PTPRM: variants seen among roughly 807,000 people sequenced by gnomAD.
PTPRM encodes protein tyrosine phosphatase receptor type M.
PTPRM carries 47 observed loss-of-function variants against 186.7 expected under a neutral mutation model. That is an observed-to-expected ratio of 0.25 (90% CI 0.20 to 0.32). The LOEUF is 0.32. PTPRM is among the 10% of genes least tolerant of loss of function. The pLI is 1.00. For missense variants in PTPRM, 1,494 were observed against 1,865.0 expected (o/e 0.80, Z 3.66); for synonymous variants, 668 against 674.9 (o/e 0.99, Z 0.16).
At chr18:7,810,006 C>G (rs331422) in intron 2 of PTPRM, among the ~76,000 whole-genome samples, 2,241 of 152,266 alleles carry the variant, frequency 0.015, 55 homozygotes, top group African/African-American at 0.051. Flanking sequence ...TATTCCTGAG[C>G]TTCTGTGGGA....
intron 7 of PTPRM, among the ~76,000 whole-genome samples, chr18:7,990,013 C>T (rs2083180071): frequency 6.6e-6 from 1 of 152,200 alleles, no homozygotes; most frequent in South Asian, 2.1e-4. Context: ...AAGTGAGTCT[C>T]ATGCCTCAGC....
rs573133687 is a variant in PTPRM at position 8,289,784 on chromosome 18, G to A, written c.2755-6584G>A. On this transcript the variant is annotated intron_variant, in intron 19 of 32. Coordinates refer to ENST00000580170, the MANE Select transcript of PTPRM (RefSeq NM_001105244.2). ...ACAGAAAAATTCTGCACAATTTCAC[G>A]TTGGATTAAGTTGCAATAAAAAGTG... 8.6e-5 allele frequency among the ~76,000 whole-genome samples: 13 copies of A among 151,840 alleles called. No homozygotes were observed. The South Asian group carries it at 1.9e-3, about 22-fold the overall frequency.
chr18:8,208,432 T>C (rs118026687), intron 14 of PTPRM, among the ~76,000 whole-genome samples: 15 of 152,164 alleles, frequency 9.9e-5, no homozygotes, highest in Non-Finnish European at 2.2e-4. Context: ...AAGTAGCTTA[T>C]TTGTACTATG....
intron 15 of PTPRM, among the ~76,000 whole-genome samples, chr18:8,245,486 A>T (rs1171588717): frequency 1.3e-5 from 2 of 152,130 alleles, no homozygotes; most frequent in African/African-American, 4.8e-5. Context: ...CAGTGTACCC[A>T]AGCTCCTTCC....
intron 23 of PTPRM, among the ~76,000 whole-genome samples, chr18:8,352,632 C>CTTTTTTTTTTTTGTTTTTTTTTT (rs2095540271): frequency 7.7e-6 from 1 of 130,462 alleles, no homozygotes; most frequent in Non-Finnish European, 1.6e-5. Context: ...TTTTTCTTTT[C>CTTTTTTTTTTTTGTTTTTTTTTT]TTTTTTTTTT....
rs1364050161 is a variant in PTPRM at position 8,291,483 on chromosome 18, C to T, written c.2755-4885C>T. Reference sequence around the variant, plus strand: ...GTTTGAGAGGAACCCTTCTTTTCTACAATATAAATTATTTGGTGATTACTT... The same window carrying T: ...GTTTGAGAGGAACCCTTCTTTTCTATAATATAAATTATTTGGTGATTACTT... On this transcript the variant is annotated intron_variant, in intron 19 of 32. Transcript: ENST00000580170. Among the ~76,000 whole-genome samples the T allele has an allele frequency of 2.0e-5, 3 of 152,268 alleles. No homozygotes were observed. In the East Asian group the frequency reaches 5.8e-4, roughly 29 times the overall value.
chr18:7,620,422 G>A (rs2143962924), intron 1 of PTPRM, among the ~76,000 whole-genome samples: 1 of 152,148 alleles, frequency 6.6e-6, no homozygotes, highest in African/African-American at 2.4e-5. Context: ...CTGGACCCCC[G>A]ACCCCTCTTC....
chr18:7,605,594 T>C (rs1339377484), intron 1 of PTPRM, among the ~76,000 whole-genome samples: 1 of 152,166 alleles, frequency 6.6e-6, no homozygotes, highest in Non-Finnish European at 1.5e-5. Flanking sequence ...CAAATCTCTT[T>C]GGTTATTTTA....
At chr18:7,644,366 C>CT (rs2038512054) in intron 1 of PTPRM, among the ~76,000 whole-genome samples, 1 of 152,112 alleles carries the variant, frequency 6.6e-6, no homozygotes, top group Non-Finnish European at 1.5e-5. Context: ...TAATAATTCT[C>CT]TATTACCTCT....
intron 29 of PTPRM, among the ~76,000 whole-genome samples, chr18:8,381,360 TAAA>T (rs60672111): frequency 2.6e-4 from 36 of 137,976 alleles, no homozygotes; most frequent in African/African-American, 2.9e-4. Flanking sequence ...TTCTTTTTCT[TAAA>T]AAAAAAAAAA....
In PTPRM at chr18:7,668,676, T is replaced by C. The variant is rs1598337163; in HGVS notation, c.73+100785T>C. The stretch of plus-strand genomic sequence containing the variant: ...CCAGTGGGGCCTCTGCTGCCTCAGC[T>C]CCCTCCCTGGAGGCTGTAATGGCTG... On this transcript the variant is annotated intron_variant, in intron 1 of 32. Coordinates refer to ENST00000580170, the MANE Select transcript of PTPRM (RefSeq NM_001105244.2). The surrounding 1 kb of genome is among the most constrained non-coding windows in gnomAD (Gnocchi z 4.7). 1.3e-5 allele frequency among the ~76,000 whole-genome samples: 2 copies of C among 152,174 alleles called. No homozygotes were observed. The highest frequency in any genetic ancestry group is 4.8e-5 in the African/African-American group (2 of 41,532).
intron 1 of PTPRM, among the ~76,000 whole-genome samples, chr18:7,612,613 C>T (rs1374137132): frequency 6.6e-6 from 1 of 152,116 alleles, no homozygotes; most frequent in African/African-American, 2.4e-5. Flanking sequence ...AATGTTTGGA[C>T]TAAGTCATAG....
chr18:7,742,968 A>T (rs2040912780), intron 1 of PTPRM, among the ~76,000 whole-genome samples: 1 of 152,246 alleles, frequency 6.6e-6, no homozygotes, highest in Non-Finnish European at 1.5e-5. Flanking sequence ...GCTTTATCTG[A>T]TTTAATTTTC....
intron 7 of PTPRM, among the ~76,000 whole-genome samples, chr18:8,053,767 T>A (rs2087685901): frequency 3.9e-5 from 6 of 152,186 alleles, no homozygotes; most frequent in Admixed American, 1.3e-4. Flanking sequence ...ACATTGAGTC[T>A]GCCCATTCAT....
At chr18:8,346,808 G>GAAA (rs113755307) in intron 23 of PTPRM, among the ~76,000 whole-genome samples, 1 of 148,676 alleles carries the variant, frequency 6.7e-6, no homozygotes. Context: ...AATGACTATT[G>GAAA]AAAAAAAAAA....
chr18:8,162,660 G>A (rs922076832), intron 14 of PTPRM, among the ~76,000 whole-genome samples: 2 of 152,208 alleles, frequency 1.3e-5, no homozygotes, highest in Admixed American at 6.5e-5. Flanking sequence ...TTGCTAACAC[G>A]TGGCTGATGA....
chr18:7,810,817 A>AT (rs1157607326), intron 2 of PTPRM, among the ~76,000 whole-genome samples: 4 of 152,120 alleles, frequency 2.6e-5, no homozygotes, highest in African/African-American at 9.7e-5. Flanking sequence ...CCATAGCATT[A>AT]TTTTTTCTAT....
chr18:8,396,933 G>A (rs1461101224), intron 32 of PTPRM, among the ~76,000 whole-genome samples: 2 of 152,194 alleles, frequency 1.3e-5, no homozygotes, highest in Non-Finnish European at 1.5e-5. Flanking sequence ...GTTTGGTGTT[G>A]ATACCTCTGT....
chr18:7,715,391 G>A (rs900433083), intron 1 of PTPRM, among the ~76,000 whole-genome samples: 1 of 152,150 alleles, frequency 6.6e-6, no homozygotes, highest in Non-Finnish European at 1.5e-5. Context: ...CAAACCCACA[G>A]CCAATATCAT....
Sources: allele counts gnomAD v4.1 joint callset (sites outside exome capture counted in the v4.1 genomes callset), GRCh38; gene constraint gnomAD v4.1.1; non-coding constraint Gnocchi (gnomAD v3.1); transcripts MANE v1.5; gene names NCBI Gene and HGNC (gene_info 2026-07-23, HGNC 2026-07-21).